The following EIF2AK3 variants were observed in gnomAD, a reference collection of about 807,000 sequenced individuals.
EIF2AK3 encodes the protein eukaryotic translation initiation factor 2-alpha kinase 3.
EIF2AK3 carries 50 observed loss-of-function variants against 113.5 expected under a neutral mutation model. The ratio of observed to expected loss-of-function variants is 0.44; its 90% CI spans 0.35 to 0.56. EIF2AK3 has a LOEUF of 0.56. Ranked by LOEUF, EIF2AK3 falls within the 20% of genes least tolerant of loss-of-function variation. The probability of loss-of-function intolerance (pLI) is 0.00; values close to 1 mark genes in which losing one functional copy is unlikely to be tolerated. For synonymous variants in EIF2AK3, 448 were observed against 495.4 expected, an observed-to-expected ratio of 0.90 and a Z score of 1.27; for missense variants, 1,185 against 1,378.0, an observed-to-expected ratio of 0.86 and a Z score of 2.22.
chr2:88,566,859 G>C (rs1345603484), intron 14 of EIF2AK3, among the ~76,000 whole-genome samples: 1 of 152,018 alleles, frequency 6.6e-6, no homozygotes. Flanking sequence ...GAGGTGGGAG[G>C]ATCACTTGAG....
chr2:88,607,366 T>A (rs2104460611), intron 2 of EIF2AK3, among the ~76,000 whole-genome samples: 1 of 152,336 alleles, frequency 6.6e-6, no homozygotes, highest in African/African-American at 2.4e-5. Flanking sequence ...TCTTAGCTAC[T>A]ATTAACTGGC....
At chr2:88,617,298 T>C (rs1261463270) in intron 1 of EIF2AK3, among the ~76,000 whole-genome samples, 1 of 152,132 alleles carries the variant, frequency 6.6e-6, no homozygotes, top group Non-Finnish European at 1.5e-5. Flanking sequence ...TACCATAGAA[T>C]ACTATGCAGC....
chr2:88,590,776 A>G, intron 5 of EIF2AK3, 42 bp downstream of exon 5: 2 of 1,606,980 alleles, frequency 1.2e-6, no homozygotes, highest in Non-Finnish European at 1.7e-6. Flanking sequence ...TCAGACTGGG[A>G]GAGGAAGAAC....
chr2:88,586,008 G>C lies in EIF2AK3; in HGVS notation c.1483C>G (p.Gln495Glu). Residue 495 changes from glutamine to glutamate, a missense_variant, in exon 9 of 17, where the codon CAG becomes GAG. Gln to Glu is a conservative substitution (Grantham distance 29). This residue lies in a region of EIF2AK3 where 877 missense variants were observed against 1,024.2 expected (regional missense o/e 0.86). Transcript: ENST00000303236. ...YKRERNKRST[Q>E]ITVRFLDNPH... ...TTGTCGAGGAATCTGACTGTAATCT[G>C]TGTGCTTCGTTTGTTCCTCTCCCTC... The C allele has an allele frequency of 6.2e-7, 1 of 1,614,102 alleles. No individual in the cohort carries two copies. Among genetic ancestry groups the C allele is most frequent in the Non-Finnish European group, 8.5e-7 (1 of 1,179,986 alleles).
At chr2:88,593,788 G>T in intron 3 of EIF2AK3, 2 of 536,950 alleles carry the variant, frequency 3.7e-6, no homozygotes, top group Non-Finnish European at 4.8e-6. Context: ...AAAAGTGTTT[G>T]GTTTTTAAAA....
At chr2:88,587,951 A>T in intron 8 of EIF2AK3, 31 bp downstream of exon 8, 2 of 1,428,092 alleles carry the variant, frequency 1.4e-6, no homozygotes, top group Non-Finnish European at 1.9e-6. Context: ...ATTAAAAAAT[A>T]AAATAAATAA....
upstream of EIF2AK3, chr2:88,627,916 G>A (rs1210578741): frequency 2.0e-5 from 3 of 151,864 alleles, no homozygotes; most frequent in African/African-American, 7.3e-5. Context: ...GTGAAGAGTG[G>A]GAGGCAAGTG....
chr2:88,590,720 A>C, intron 5 of EIF2AK3, 98 bp downstream of exon 5: 9 of 1,560,806 alleles, frequency 5.8e-6, no homozygotes, highest in Non-Finnish European at 7.9e-6. Flanking sequence ...ACAAGCTGAG[A>C]GCCCCAAGTA....
chr2:88,627,664 A>G (rs1375972149), upstream of EIF2AK3: 1 of 193,008 alleles, frequency 5.2e-6, no homozygotes. Flanking sequence ...CCAATGAGAA[A>G]TGCCCTTCCC....
intron 14 of EIF2AK3, among the ~76,000 whole-genome samples, chr2:88,567,486 A>C (rs902913365): frequency 6.6e-6 from 1 of 152,130 alleles, no homozygotes; most frequent in African/African-American, 2.4e-5. Flanking sequence ...TCCATTTCCT[A>C]ATCTTTGTTA....
At position 88,627,221 on chromosome 2, in the gene EIF2AK3, CAG is replaced by C; in HGVS notation, c.52_53del (p.Leu18AlafsTer58). 2 of 1,472,594 alleles carry C rather than the reference CAG, an allele frequency of 1.4e-6. No homozygotes were observed. The highest frequency in any genetic ancestry group is 1.5e-5 in the African/African-American group (1 of 68,312). 91.2% of individuals were successfully genotyped at this position (1,472,594 alleles called of 1,614,324 possible). A position where few individuals can be genotyped will look rare whatever the true frequency, so the allele number is the denominator to read the frequency against. On this transcript the variant is annotated frameshift_variant, in exon 1 of 17. Transcript: ENST00000303236. LOFTEE classifies it high-confidence loss of function. ...TCCTTGCCGCGAGCCCCAGCAGCAG[CAG>C]CAGCAGCAGCAGCGCCCGTACCAGC... ...GLLVRALLLL[L>X]LLLGLAARTV...
intron 1 of EIF2AK3, among the ~76,000 whole-genome samples, chr2:88,619,247 TC>T (rs1396655082): frequency 2.0e-5 from 3 of 152,162 alleles, no homozygotes; most frequent in African/African-American, 7.2e-5. Flanking sequence ...CGCTTCAGCC[TC>T]CTAAAGTGCT....
chr2:88,622,426 A>G (rs1675748802), intron 1 of EIF2AK3, among the ~76,000 whole-genome samples: 1 of 152,258 alleles, frequency 6.6e-6, no homozygotes, highest in African/African-American at 2.4e-5. Flanking sequence ...CTGAAGCTAC[A>G]GCTCACAGCA....
chr2:88,591,680 AT>A (rs1217050876), intron 4 of EIF2AK3, among the ~76,000 whole-genome samples: 1 of 152,198 alleles, frequency 6.6e-6, no homozygotes, highest in Non-Finnish European at 1.5e-5. Context: ...TAATTAGTAA[AT>A]AGAAAAATCA....
chr2:88,590,914 T>C lies in EIF2AK3; in HGVS notation c.906A>G (p.Glu302=). ...SKIISDVEEQ[E]AAIMDIVIKV... ...TTATCACTATGTCCATTATGGCAGC[T>C]TCCTGTTCTTCCACATCTGAAATAA... The change falls in exon 5 of 17, where the codon GAA becomes GAG. Residue 302 remains glutamate, a synonymous_variant. Transcript: ENST00000303236. The C allele has an allele frequency of 6.2e-7, 1 of 1,614,160 alleles. No individual in the cohort carries two copies. Among genetic ancestry groups the C allele is most frequent in the Non-Finnish European group, 8.5e-7 (1 of 1,180,008 alleles).
chr2:88,579,151 A>G (rs1192006632), intron 11 of EIF2AK3, among the ~76,000 whole-genome samples: 1 of 152,234 alleles, frequency 6.6e-6, no homozygotes, highest in African/African-American at 2.4e-5. Flanking sequence ...AAGTGTTAAT[A>G]GTTATTACCA....
intron 11 of EIF2AK3, among the ~76,000 whole-genome samples, chr2:88,577,654 C>T (rs1045256098): frequency 3.3e-5 from 5 of 152,190 alleles, no homozygotes; most frequent in Non-Finnish European, 5.9e-5. Context: ...GCTGGGATTA[C>T]AAGCGTGAGC....
chr2:88,604,038 AGTCT>A (rs1675213334), intron 2 of EIF2AK3, among the ~76,000 whole-genome samples: 1 of 152,182 alleles, frequency 6.6e-6, no homozygotes, highest in Non-Finnish European at 1.5e-5. Flanking sequence ...GTCTCCATCC[AGTCT>A]ATCATCCCCA....
In EIF2AK3 at chr2:88,591,084, T is replaced by C. The variant is rs756124984; in HGVS notation, c.768-32A>G. 50 of 1,592,872 alleles carry C rather than the reference T, an allele frequency of 3.1e-5. No homozygotes were observed. The South Asian group carries it at 4.4e-4, about 14-fold the overall frequency. ...TTTACAAAGGTGTGTTTTAGAAATT[T>C]ACATTTAAAGAAAGGGACAAAATAA... On this transcript the variant is annotated intron_variant, in intron 4 of 16. Coordinates refer to ENST00000303236, the MANE Select transcript of EIF2AK3 (RefSeq NM_004836.7).
Sources: allele counts gnomAD v4.1 joint callset (sites outside exome capture counted in the v4.1 genomes callset), GRCh38; gene constraint gnomAD v4.1.1; regional missense constraint gnomAD v4.1.1; transcripts MANE v1.5; gene names NCBI Gene and HGNC (gene_info 2026-07-23, HGNC 2026-07-21).